Variants in PLEKHA6 observed in about 807,000 individuals in gnomAD.
The protein encoded by PLEKHA6 is pleckstrin homology domain-containing family A member 6.
A neutral mutation model predicts 116.7 loss-of-function variants in PLEKHA6; 60 were observed. The observed-to-expected ratio is 0.51, with a 90% confidence interval of 0.42 to 0.64. The LOEUF (loss-of-function observed/expected upper bound fraction) is 0.64, where lower values mean the gene tolerates loss of function less well. PLEKHA6 is among the 30% of genes least tolerant of loss of function. The probability of loss-of-function intolerance (pLI) is 0.00; values close to 1 mark genes in which losing one functional copy is unlikely to be tolerated. For missense variants in PLEKHA6, 1,338 were observed against 1,422.7 expected (o/e 0.94, Z 0.96); for synonymous variants, 489 against 556.1 (o/e 0.88, Z 1.70).
At chr1:204,293,360 C>T (rs971836981) in intron 1 of PLEKHA6, among the ~76,000 whole-genome samples, 2 of 152,184 alleles carry the variant, frequency 1.3e-5, no homozygotes, top group Non-Finnish European at 2.9e-5. Flanking sequence ...ATCTCGAACT[C>T]CTGGCCTCAG....
At chr1:204,267,854 A>T (rs899248163) in intron 4 of PLEKHA6, among the ~76,000 whole-genome samples, 4 of 152,140 alleles carry the variant, frequency 2.6e-5, no homozygotes, top group Admixed American at 1.3e-4. Flanking sequence ...TCTGGTGCCA[A>T]TCGGTGGACC....
chr1:204,254,666 C>T (rs1435206897), intron 9 of PLEKHA6, among the ~76,000 whole-genome samples: 1 of 152,140 alleles, frequency 6.6e-6, no homozygotes, highest in Non-Finnish European at 1.5e-5. Context: ...TAGCATCCAT[C>T]TTACAGGGTT....
intron 21 of PLEKHA6, 105 bp downstream of exon 21, chr1:204,227,978 G>T: frequency 2.6e-6 from 3 of 1,169,094 alleles, no homozygotes; most frequent in Non-Finnish European, 3.6e-6. Flanking sequence ...CCTCAGCCTT[G>T]TATCTCTTTG....
At chr1:204,353,248 C>T (rs1221843923) in intron 1 of PLEKHA6, among the ~76,000 whole-genome samples, 1 of 152,180 alleles carries the variant, frequency 6.6e-6, no homozygotes, top group Non-Finnish European at 1.5e-5. Context: ...CATCTCTTGC[C>T]TTGAAGAAGT....
At chr1:204,258,924 T>C (rs1420436249) in intron 8 of PLEKHA6, among the ~76,000 whole-genome samples, 1 of 152,198 alleles carries the variant, frequency 6.6e-6, no homozygotes, top group Non-Finnish European at 1.5e-5. Flanking sequence ...CTTGGATGGA[T>C]GTATGACTAT....
intron 21 of PLEKHA6, among the ~76,000 whole-genome samples, chr1:204,227,137 T>C (rs763197470): frequency 6.6e-6 from 1 of 152,226 alleles, no homozygotes; most frequent in Non-Finnish European, 1.5e-5. Context: ...GCCACGGTTC[T>C]AACCTGCTCA....
intron 1 of PLEKHA6, among the ~76,000 whole-genome samples, chr1:204,307,672 G>A (rs1671439390): frequency 6.6e-6 from 1 of 152,162 alleles, no homozygotes; most frequent in Non-Finnish European, 1.5e-5. Flanking sequence ...ACCCGCCCTC[G>A]CGTTCCCCTC....
At chr1:204,303,039 T>A (rs1267223979) in intron 1 of PLEKHA6, among the ~76,000 whole-genome samples, 7 of 152,216 alleles carry the variant, frequency 4.6e-5, no homozygotes, top group Non-Finnish European at 1.0e-4. Context: ...GATCCTTTTC[T>A]TTCTTTCCCC....
intron 1 of PLEKHA6, among the ~76,000 whole-genome samples, chr1:204,336,413 T>A (rs192347251): frequency 6.6e-6 from 1 of 152,306 alleles, no homozygotes; most frequent in East Asian, 1.9e-4. Flanking sequence ...AACTTATTTA[T>A]CCAATACGAT....
At chr1:204,232,661 T>C (rs890445997) in intron 17 of PLEKHA6, among the ~76,000 whole-genome samples, 1 of 152,144 alleles carries the variant, frequency 6.6e-6, no homozygotes, top group African/African-American at 2.4e-5. Context: ...AGGCAGGAAA[T>C]AGGCTAATAG....
At position 204,277,705 on chromosome 1, in the gene PLEKHA6, T is replaced by G. The variant is rs1639367105; in HGVS notation, c.-94-2896A>C. On this transcript the variant is annotated intron_variant, in intron 1 of 22. Transcript: ENST00000272203. This position sits in a 1 kb window ranked among gnomAD's most constrained non-coding sequence, Gnocchi z 4.1. ...GAAGCTGAGATTGATTGAGCAGTTCTCCCTTCTCTTCGGTCAGCCTGCCCA... is the reference window on the plus strand; with the variant it reads ...GAAGCTGAGATTGATTGAGCAGTTCGCCCTTCTCTTCGGTCAGCCTGCCCA... The G allele has an allele frequency of 6.6e-6, 1 of 152,258 alleles. No homozygotes were observed. The allele number at this position is 152,258 out of a possible 1,614,324, so 9.4% of individuals were successfully genotyped here.
In PLEKHA6 at chr1:204,358,926, G is replaced by A. The variant is rs546924002; in HGVS notation, c.-95+768C>T. ...CCCACCCCCGCCACTTTCCTGTCTC[G>A]CCCCGCTTCCCTCCCCTTCCACTGT... On this transcript the variant is annotated intron_variant, in intron 1 of 22. Coordinates refer to ENST00000272203, the MANE Select transcript of PLEKHA6 (RefSeq NM_014935.5). 2.1e-3 allele frequency among the ~76,000 whole-genome samples: 205 copies of A among 99,728 alleles called. 3 individuals carry two copies. In the South Asian group the frequency reaches 0.055, roughly 27 times the overall value. The allele number at this position is 99,728 out of a possible 152,430, so 65.4% of individuals were successfully genotyped here.
At chr1:204,283,508 G>A (rs1668854242) in intron 1 of PLEKHA6, among the ~76,000 whole-genome samples, 1 of 152,210 alleles carries the variant, frequency 6.6e-6, no homozygotes, top group Non-Finnish European at 1.5e-5. Flanking sequence ...TACACTGGGA[G>A]GGAGGCAAGG....
intron 1 of PLEKHA6, among the ~76,000 whole-genome samples, chr1:204,355,998 C>CA (rs1235802734): frequency 0.11 from 2,972 of 28,296 alleles, 91 homozygotes; most frequent in African/African-American, 0.2. Flanking sequence ...CACACACACA[C>CA]ACAAAAAAAA....
rs1659690395 is a variant in PLEKHA6, at chr1:204,222,020, A to ATCTCTGTCTCTCTCTC, written c.*767_*768insGAGAGAGAGACAGAGA. On this transcript the variant is annotated 3_prime_UTR_variant, in exon 23 of 23. Coordinates refer to ENST00000272203, the MANE Select transcript of PLEKHA6 (RefSeq NM_014935.5). ...GCTTCCCCCTCCTTCCACTCTGAGG[A>ATCTCTGTCTCTCTCTC]TCTCTCTCTCTCTCTCTCTCTCTCT... 7.5e-6 allele frequency: 1 copy of ATCTCTGTCTCTCTCTC among 133,634 alleles called. No homozygotes were observed. The highest frequency in any genetic ancestry group is 2.9e-5 in the African/African-American group (1 of 34,880). The allele number at this position is 133,634 out of a possible 1,614,324, so 8.3% of individuals were successfully genotyped here. A position where few individuals can be genotyped will look rare whatever the true frequency, so the allele number is the denominator to read the frequency against.
chr1:204,285,692 A>G (rs1231615003), intron 1 of PLEKHA6, among the ~76,000 whole-genome samples: 3 of 152,152 alleles, frequency 2.0e-5, no homozygotes, highest in Non-Finnish European at 4.4e-5. Context: ...GGCCAGGCTC[A>G]TTATTTTTAA....
intron 1 of PLEKHA6, among the ~76,000 whole-genome samples, chr1:204,348,288 C>T (rs896511500): frequency 5.3e-5 from 8 of 152,218 alleles, no homozygotes; most frequent in African/African-American, 1.9e-4. Flanking sequence ...AAGCCACGGG[C>T]CCTAATTCAG....
intron 17 of PLEKHA6, among the ~76,000 whole-genome samples, chr1:204,231,606 C>T (rs1371823545): frequency 2.2e-5 from 3 of 139,272 alleles, no homozygotes; most frequent in Non-Finnish European, 1.5e-5. Context: ...CTTGCTCTGT[C>T]ACTCCAGCTG....
At chr1:204,366,859 G>A (rs754397139) in intron 3 of PLEKHA6, among the ~76,000 whole-genome samples, 10 of 152,246 alleles carry the variant, frequency 6.6e-5, no homozygotes, top group Admixed American at 3.3e-4. Context: ...GATTGGAAAC[G>A]TAACCCCTCC....
Sources: gnomAD v4.1 joint callset for allele counts (sites outside exome capture counted in the v4.1 genomes callset) on GRCh38, gnomAD v4.1.1 for gene constraint, Gnocchi (gnomAD v3.1) non-coding constraint, MANE v1.5 for transcripts, NCBI Gene and HGNC (gene_info 2026-07-23, HGNC 2026-07-21) for gene names.